The following ADGRL3 variants were observed in gnomAD, a reference collection of about 807,000 sequenced individuals.
ADGRL3 encodes the protein calcium-independent alpha-latrotoxin receptor 3.
Under a neutral mutation model 153.5 loss-of-function variants are expected in ADGRL3, and 62 were observed. That is an observed-to-expected ratio of 0.40 (90% CI 0.33 to 0.50). The LOEUF (loss-of-function observed/expected upper bound fraction) is 0.50, where lower values mean the gene tolerates loss of function less well. ADGRL3 is among the 20% of genes least tolerant of loss of function. The probability of loss-of-function intolerance (pLI) is 0.47; values close to 1 mark genes in which losing one functional copy is unlikely to be tolerated. For synonymous variants in ADGRL3, 710 were observed against 672.5 expected, an observed-to-expected ratio of 1.06 and a Z score of -0.86; for missense variants, 1,641 against 1,859.4, an observed-to-expected ratio of 0.88 and a Z score of 2.16.
chr4:61,585,921 T>A (rs2098944642), intron 4 of ADGRL3, among the ~76,000 whole-genome samples: 1 of 151,982 alleles, frequency 6.6e-6, no homozygotes, highest in African/African-American at 2.4e-5. Context: ...TTTATTTTTC[T>A]TATACAAAAA....
At chr4:61,916,588 G>A (rs1360533497) in intron 13 of ADGRL3, among the ~76,000 whole-genome samples, 2 of 152,172 alleles carry the variant, frequency 1.3e-5, no homozygotes, top group African/African-American at 2.4e-5. Flanking sequence ...GGCCACACAA[G>A]TAGCACTGAT....
chr4:61,538,414 T>C (rs2098670169), intron 4 of ADGRL3, among the ~76,000 whole-genome samples: 1 of 152,126 alleles, frequency 6.6e-6, no homozygotes, highest in Non-Finnish European at 1.5e-5. Context: ...GCCCTTCTGA[T>C]AGCAGGAGTT....
Position 61,365,193 on chromosome 4 carries a change from T to A in ADGRL3, c.-239-17931T>A, listed in dbSNP as rs974871. On this transcript the variant is annotated intron_variant, in intron 1 of 26. Coordinates refer to ENST00000683033, the MANE Select transcript of ADGRL3 (RefSeq NM_001387552.1). ...GTTGGTTCTCTAAATAGGAAGATTTTAAAAAAATGAAATCATTGTTACTGA... is the reference window on the plus strand; with the variant it reads ...GTTGGTTCTCTAAATAGGAAGATTTAAAAAAAATGAAATCATTGTTACTGA... 6.6e-3 allele frequency among the ~76,000 whole-genome samples: 1,006 copies of A among 151,612 alleles called. 9 individuals carry two copies. Among genetic ancestry groups the A allele is most frequent in the African/African-American group, 0.022 (920 of 41,328 alleles).
chr4:61,779,889 A>G (rs1328217015), intron 8 of ADGRL3, among the ~76,000 whole-genome samples: 1 of 152,082 alleles, frequency 6.6e-6, no homozygotes, highest in Non-Finnish European at 1.5e-5. Context: ...CCCCGGGATC[A>G]TGTTAAAATG....
chr4:61,633,968 T>A lies in ADGRL3; in HGVS notation c.474-42858T>A, dbSNP rs1038407729. Among the ~76,000 whole-genome samples the A allele has an allele frequency of 3.4e-4, 52 of 151,500 alleles. 2 individuals carry two copies. The highest frequency in any genetic ancestry group is 1.5e-5 in the Non-Finnish European group (1 of 67,886). The stretch of plus-strand genomic sequence containing the variant: ...TGTGTCCTCATATACATAGTGGGTG[T>A]TGGAGCTGACTATTGGAGCAACTCT... On this transcript the variant is annotated intron_variant, in intron 5 of 26. Transcript: ENST00000683033.
intron 9 of ADGRL3, among the ~76,000 whole-genome samples, chr4:61,829,521 G>A (rs1171488098): frequency 6.6e-6 from 1 of 151,974 alleles, no homozygotes; most frequent in Non-Finnish European, 1.5e-5. Context: ...CAATTCTTTA[G>A]TTTCGTTTAC....
intron 15 of ADGRL3, among the ~76,000 whole-genome samples, chr4:61,946,282 A>G (rs568389671): frequency 5.6e-4 from 86 of 152,250 alleles, no homozygotes; most frequent in African/African-American, 2.0e-3. Context: ...ATTGAAACTC[A>G]GTGTAGTCTT....
chr4:61,848,057 A>ATATATATAATATAAAATATAT lies in ADGRL3; in HGVS notation c.1480+34177_1480+34197dup, dbSNP rs2098156235. Among the ~76,000 whole-genome samples the ATATATATAATATAAAATATAT allele has an allele frequency of 2.2e-3, 25 of 11,534 alleles. 6 individuals are homozygous for ATATATATAATATAAAATATAT. The highest frequency in any genetic ancestry group is 8.9e-3 in the Non-Finnish European group (17 of 1,906). 7.6% of individuals were successfully genotyped at this position (11,534 alleles called of 152,430 possible). A position where few individuals can be genotyped will look rare whatever the true frequency, so the allele number is the denominator to read the frequency against. ...TTATATATATAATATAAAATATATT[A>ATATATATAATATAAAATATAT]TATATATAATATAAAATATATTATA... On this transcript the variant is annotated intron_variant, in intron 9 of 26. Transcript: ENST00000683033.
At chr4:61,720,691 CT>C (rs1456333028) in intron 6 of ADGRL3, among the ~76,000 whole-genome samples, 3 of 152,128 alleles carry the variant, frequency 2.0e-5, no homozygotes, top group Non-Finnish European at 4.4e-5. Flanking sequence ...GAATGTGGCA[CT>C]TACTATTTAT....
At chr4:61,624,240 T>C (rs372091021) in intron 5 of ADGRL3, among the ~76,000 whole-genome samples, 1 of 152,126 alleles carries the variant, frequency 6.6e-6, no homozygotes, top group Non-Finnish European at 1.5e-5. Flanking sequence ...GATATGGCTG[T>C]AGAGTGGATT....
intron 9 of ADGRL3, among the ~76,000 whole-genome samples, chr4:61,860,575 G>T (rs1218884424): frequency 6.6e-6 from 1 of 151,844 alleles, no homozygotes; most frequent in Non-Finnish European, 1.5e-5. Flanking sequence ...GCCAATATCT[G>T]GGCCCCTTTG....
chr4:61,985,622 T>A lies in ADGRL3; in HGVS notation c.3236+2019T>A, dbSNP rs1272385326. 2.0e-5 allele frequency among the ~76,000 whole-genome samples: 3 copies of A among 152,172 alleles called. No individual in the cohort carries two copies. In the East Asian group the frequency reaches 5.8e-4, roughly 29 times the overall value. ...AATAAAAGAGCTTGCTTCTCAGAAG[T>A]GAGGATTCATAAAAAGGGAACGACA... On this transcript the variant is annotated intron_variant, in intron 19 of 26. Coordinates refer to ENST00000683033, the MANE Select transcript of ADGRL3 (RefSeq NM_001387552.1).
intron 1 of ADGRL3, among the ~76,000 whole-genome samples, chr4:61,297,648 T>A (rs559802758): frequency 5.8e-4 from 88 of 152,234 alleles, no homozygotes; most frequent in African/African-American, 2.0e-3. Flanking sequence ...GATTTTGAAT[T>A]GGCAGAACTT....
chr4:61,435,465 C>T (rs1334361846), intron 2 of ADGRL3, among the ~76,000 whole-genome samples: 1 of 152,050 alleles, frequency 6.6e-6, no homozygotes, highest in African/African-American at 2.4e-5. Flanking sequence ...AAGTTTTCCA[C>T]ATCAGTACAT....
At chr4:62,047,498 A>C (rs1731744514) in intron 25 of ADGRL3, among the ~76,000 whole-genome samples, 1 of 152,048 alleles carries the variant, frequency 6.6e-6, no homozygotes, top group Admixed American at 6.6e-5. Flanking sequence ...CTGTTCTTGA[A>C]TCAGCTTGTT....
intron 26 of ADGRL3, among the ~76,000 whole-genome samples, 187 bp from the exon 27 acceptor site, chr4:62,069,922 T>C (rs1744949835): frequency 6.6e-6 from 1 of 152,210 alleles, no homozygotes; most frequent in Non-Finnish European, 1.5e-5. Flanking sequence ...TTTCAATCAC[T>C]GGTCCAATTA....
intron 1 of ADGRL3, among the ~76,000 whole-genome samples, chr4:61,371,192 A>T (rs1225121319): frequency 2.0e-5 from 3 of 151,390 alleles, no homozygotes; most frequent in Non-Finnish European, 4.4e-5. Context: ...CCAATTTGCC[A>T]GTCTGTGTCT....
chr4:61,644,369 T>C (rs2093851747), intron 5 of ADGRL3, among the ~76,000 whole-genome samples: 2 of 151,950 alleles, frequency 1.3e-5, no homozygotes, highest in South Asian at 2.1e-4. Flanking sequence ...CTAGTTCTTT[T>C]AATTGTGATG....
chr4:61,969,142 C>A (rs1477118883), intron 17 of ADGRL3, among the ~76,000 whole-genome samples: 3 of 152,156 alleles, frequency 2.0e-5, no homozygotes, highest in African/African-American at 7.2e-5. Flanking sequence ...ACCCTCAGGA[C>A]TTTTTAGTTG....
Sources: allele counts gnomAD v4.1 joint callset (sites outside exome capture counted in the v4.1 genomes callset), GRCh38; gene constraint gnomAD v4.1.1; transcripts MANE v1.5; gene names NCBI Gene and HGNC (gene_info 2026-07-23, HGNC 2026-07-21).